The following RELN variants were observed in gnomAD, a reference collection of about 807,000 sequenced individuals.
The protein encoded by RELN is reelin.
RELN carries 108 observed loss-of-function variants against 427.6 expected under a neutral mutation model. That is an observed-to-expected ratio of 0.25 (90% CI 0.22 to 0.30). RELN has a LOEUF of 0.30. Ranked by LOEUF, RELN falls within the 10% of genes least tolerant of loss-of-function variation. The pLI, the probability that RELN is intolerant of heterozygous loss-of-function variation, is 1.00. For synonymous variants in RELN, 1,524 were observed against 1,513.4 expected (o/e 1.01, Z -0.16); for missense variants, 3,715 against 4,302.8 (o/e 0.86, Z 3.82).
intron 19 of RELN, among the ~76,000 whole-genome samples, chr7:103,633,425 T>TAA (rs1176819457): frequency 1.3e-5 from 2 of 151,864 alleles, no homozygotes; most frequent in Non-Finnish European, 2.9e-5. Flanking sequence ...CTTTTATTAA[T>TAA]ATTTGTAAGA....
intron 41 of RELN, among the ~76,000 whole-genome samples, chr7:103,548,366 GC>G (rs1830345086): frequency 6.6e-6 from 1 of 152,190 alleles, no homozygotes; most frequent in Non-Finnish European, 1.5e-5. Context: ...CAGCACTTGT[GC>G]CATTACTATG....
rs1796862115 is a variant in RELN, at chr7:103,975,676, G to C, written c.226+13455C>G. ...TTCTCCTGCCTCAGCCTCCCGAGTA[G>C]CTGGGACTACAGGCACCCGCCACCA... is the stretch of plus-strand genomic sequence containing the variant. On this transcript the variant is annotated intron_variant, in intron 1 of 64. Coordinates refer to ENST00000428762, the MANE Select transcript of RELN (RefSeq NM_005045.4). Among the ~76,000 whole-genome samples the C allele has an allele frequency of 3.3e-5, 5 of 150,822 alleles. No individual in the cohort carries two copies. The South Asian group carries it at 1.0e-3, about 32-fold the overall frequency.
intron 1 of RELN, among the ~76,000 whole-genome samples, chr7:103,923,550 G>T (rs1418394837): frequency 6.6e-6 from 1 of 152,138 alleles, no homozygotes; most frequent in African/African-American, 2.4e-5. Context: ...GAAATGAAAA[G>T]AGATCTTAAA....
intron 2 of RELN, among the ~76,000 whole-genome samples, chr7:103,838,263 T>C (rs1027144344): frequency 1.4e-5 from 2 of 144,424 alleles, no homozygotes; most frequent in East Asian, 2.0e-4. Flanking sequence ...ATACAACTTA[T>C]AATACAAATT....
At position 103,698,159 on chromosome 7, in the gene RELN, G is replaced by T. The variant is rs538647440; in HGVS notation, c.903-66C>A. On this transcript the variant is annotated intron_variant, in intron 9 of 64. Transcript: ENST00000428762. ...TTTTTCTTTCTTAGAGATGAATTTT[G>T]TTTCTTAAGGTTGTAGTTTCATGAT... 9 of 1,591,098 alleles carry T rather than the reference G, an allele frequency of 5.7e-6. No individual in the cohort carries two copies. The South Asian group carries it at 1.0e-4, about 18-fold the overall frequency.
chr7:103,524,308 C>G (rs760635512), intron 46 of RELN, among the ~76,000 whole-genome samples: 9 of 151,690 alleles, frequency 5.9e-5, no homozygotes, highest in Non-Finnish European at 1.3e-4. Flanking sequence ...CCCACTTGCT[C>G]CCTAATTGGA....
chr7:103,857,452 TGCAGGGGTGTAATACAA>T (rs1437747988), intron 2 of RELN, among the ~76,000 whole-genome samples: 1 of 152,212 alleles, frequency 6.6e-6, no homozygotes, highest in Non-Finnish European at 1.5e-5. Context: ...CCATCCAACA[TGCAGGGGTGTAATACAA>T]CCTCACCTGG....
At chr7:103,846,747 C>A (rs575739169) in intron 2 of RELN, among the ~76,000 whole-genome samples, 1 of 152,218 alleles carries the variant, frequency 6.6e-6, no homozygotes, top group Non-Finnish European at 1.5e-5. Context: ...GACAAACAAC[C>A]CCATCAACAA....
chr7:103,970,302 C>T (rs146291748), intron 1 of RELN, among the ~76,000 whole-genome samples: 95 of 151,812 alleles, frequency 6.3e-4, no homozygotes, highest in African/African-American at 2.1e-3. Flanking sequence ...ACCACCATGC[C>T]GGGCTAATTT....
At chr7:103,849,590 T>C (rs1793768062) in intron 2 of RELN, among the ~76,000 whole-genome samples, 1 of 152,174 alleles carries the variant, frequency 6.6e-6, no homozygotes, top group Non-Finnish European at 1.5e-5. Flanking sequence ...TGACCCTTCT[T>C]CAAACTTCAT....
At chr7:103,594,625 G>T in intron 25 of RELN, 133 bp from the exon 26 acceptor site, 1 of 929,484 alleles carries the variant, frequency 1.1e-6, no homozygotes, top group Non-Finnish European at 1.7e-6. Flanking sequence ...CCAAAAGCCC[G>T]TAAGTTTGGA....
intron 6 of RELN, among the ~76,000 whole-genome samples, chr7:103,734,642 G>T (rs1046366591): frequency 6.6e-6 from 1 of 152,012 alleles, no homozygotes; most frequent in Non-Finnish European, 1.5e-5. Flanking sequence ...CAAGTGAGAG[G>T]GGACTTGAAA....
At position 103,606,004 on chromosome 7, in the gene RELN, C is replaced by A. The variant is rs577474742; in HGVS notation, c.3009-1521G>T. On this transcript the variant is annotated intron_variant, in intron 22 of 64. Transcript: ENST00000428762. ...CAGTTTATATTTGTAAGCAAACAGC[C>A]ATCACAATATTCACAGTCCCACTAA... Among the ~76,000 whole-genome samples the A allele has an allele frequency of 1.4e-3, 216 of 152,232 alleles. 1 individual carries two copies. Among genetic ancestry groups the A allele is most frequent in the Non-Finnish European group, 2.5e-3 (171 of 68,032 alleles).
At chr7:103,652,381 C>T (rs1169002653) in intron 14 of RELN, among the ~76,000 whole-genome samples, 170 bp downstream of exon 14, 1 of 151,738 alleles carries the variant, frequency 6.6e-6, no homozygotes, top group Non-Finnish European at 1.5e-5. Context: ...TCCAATCATA[C>T]CCCTCATATT....
intron 16 of RELN, among the ~76,000 whole-genome samples, chr7:103,642,080 T>C (rs1157766910): frequency 1.3e-5 from 2 of 152,148 alleles, no homozygotes; most frequent in African/African-American, 4.8e-5. Context: ...GTGAATAGGA[T>C]AGAATAGCTT....
rs1232862183 is a variant in RELN, at chr7:103,489,901, T to TGAAA, written c.9606-6_9606-3dup. On this transcript the variant is annotated splice_region_variant and splice_polypyrimidine_tract_variant and intron_variant, in intron 59 of 64. Coordinates refer to ENST00000428762, the MANE Select transcript of RELN (RefSeq NM_005045.4). ...TGGATCCAGCGGAACTGTGTTGCAC[T>TGAAA]GAAAGAACCACAGAGAGCAGAAGGG... is the stretch of plus-strand genomic sequence containing the variant. 1.2e-6 allele frequency: 2 copies of TGAAA among 1,614,124 alleles called. No individual in the cohort carries two copies. Among genetic ancestry groups the TGAAA allele is most frequent in the Admixed American group, 3.3e-5 (2 of 60,028 alleles).
intron 3 of RELN, among the ~76,000 whole-genome samples, chr7:103,819,902 A>G (rs961048982): frequency 4.6e-5 from 7 of 151,954 alleles, no homozygotes; most frequent in Non-Finnish European, 7.4e-5. Context: ...TATTTTCCCT[A>G]AGTCCAGAAA....
rs187828744 is a variant in RELN, at chr7:103,473,271, A to G, written c.10287-363T>C. On this transcript the variant is annotated intron_variant, in intron 64 of 64. Coordinates refer to ENST00000428762, the MANE Select transcript of RELN (RefSeq NM_005045.4). ...ACCTTTCATTTGAGAAGTGTGCTCT[A>G]TACCCATTGCCTTATTTAAATATAT... Among the ~76,000 whole-genome samples the G allele has an allele frequency of 1.4e-3, 210 of 152,364 alleles. 1 individual carries two copies. The highest frequency in any genetic ancestry group is 4.7e-3 in the African/African-American group (194 of 41,590).
chr7:103,506,431 C>T (rs915954784), intron 51 of RELN, among the ~76,000 whole-genome samples: 16 of 152,164 alleles, frequency 1.1e-4, no homozygotes, highest in African/African-American at 3.9e-4. Context: ...AAAGAGTTTT[C>T]AATCCAGAAT....
Sources: allele counts gnomAD v4.1 joint callset (sites outside exome capture counted in the v4.1 genomes callset), GRCh38; gene constraint gnomAD v4.1.1; transcripts MANE v1.5; gene names NCBI Gene and HGNC (gene_info 2026-07-23, HGNC 2026-07-21).